The following USP45 variants were observed in gnomAD, a reference collection of about 807,000 sequenced individuals.
The protein encoded by USP45 is ubiquitin carboxyl-terminal hydrolase 45.
USP45 carries 89 observed loss-of-function variants against 95.8 expected under a neutral mutation model. The ratio of observed to expected loss-of-function variants is 0.93; its 90% confidence interval spans 0.78 to 1.11. The LOEUF (loss-of-function observed/expected upper bound fraction) is 1.11. Among genes scored for constraint, USP45 ranks in the 50% least tolerant of loss-of-function variants. The pLI is 0.00. For synonymous variants in USP45, 281 were observed against 316.2 expected (o/e 0.89, Z 1.18); for missense variants, 898 against 942.5 (o/e 0.95, Z 0.62).
intron 9 of USP45, among the ~76,000 whole-genome samples, chr6:99,475,759 A>G (rs1240114556): frequency 2.0e-5 from 3 of 152,224 alleles, no homozygotes; most frequent in Admixed American, 6.5e-5. Flanking sequence ...TTACTCTAAA[A>G]AATTAAATTA....
chr6:99,506,614 CTTGT>C (rs928459953), intron 4 of USP45, among the ~76,000 whole-genome samples: 1 of 152,134 alleles, frequency 6.6e-6, no homozygotes, highest in Non-Finnish European at 1.5e-5. Flanking sequence ...CCACAAAAAA[CTTGT>C]TTTAGTACCT....
At chr6:99,462,354 C>T in intron 13 of USP45, 1 of 984,612 alleles carries the variant, frequency 1.0e-6, no homozygotes, top group South Asian at 4.7e-5. Flanking sequence ...GTATTTCTCT[C>T]ATACATTTGG....
intron 9 of USP45, among the ~76,000 whole-genome samples, chr6:99,474,850 G>A (rs887180293): frequency 2.0e-5 from 3 of 152,124 alleles, no homozygotes; most frequent in African/African-American, 4.8e-5. Flanking sequence ...GATCCTATGT[G>A]CACAGGAAAC....
intron 5 of USP45, among the ~76,000 whole-genome samples, chr6:99,498,839 C>A (rs898409600): frequency 1.3e-5 from 2 of 152,160 alleles, no homozygotes; most frequent in Non-Finnish European, 2.9e-5. Context: ...AAGCCAGACA[C>A]TTAAGAGTCT....
chr6:99,448,317 T>C (rs1161921329), intron 13 of USP45, among the ~76,000 whole-genome samples: 3 of 152,158 alleles, frequency 2.0e-5, no homozygotes, highest in Admixed American at 1.3e-4. Context: ...AAGGGCTGAC[T>C]AGAATAATCA....
At chr6:99,460,819 T>C (rs1222394537) in intron 13 of USP45, 1 of 984,004 alleles carries the variant, frequency 1.0e-6, no homozygotes, top group Non-Finnish European at 1.2e-6. Context: ...TAATAACACC[T>C]TTTATAATAA....
chr6:99,444,176 T>A (rs1285970472), intron 14 of USP45, among the ~76,000 whole-genome samples: 1 of 152,098 alleles, frequency 6.6e-6, no homozygotes, highest in Non-Finnish European at 1.5e-5. Context: ...CCCACCTGGC[T>A]AATTTTTAAA....
At chr6:99,492,425 A>G (rs974438473) in intron 5 of USP45, among the ~76,000 whole-genome samples, 1 of 152,232 alleles carries the variant, frequency 6.6e-6, no homozygotes, top group African/African-American at 2.4e-5. Flanking sequence ...GTTGACTTTT[A>G]CATGTAAGTC....
At chr6:99,497,344 G>T (rs533214113) in intron 5 of USP45, among the ~76,000 whole-genome samples, 12 of 152,116 alleles carry the variant, frequency 7.9e-5, no homozygotes, top group Non-Finnish European at 1.8e-4. Flanking sequence ...CTGGGAACCT[G>T]AGCTGGGGTT....
chr6:99,517,471 G>C (rs1327854632), upstream of USP45, among the ~76,000 whole-genome samples: 1 of 150,542 alleles, frequency 6.6e-6, no homozygotes, highest in Non-Finnish European at 1.5e-5. Context: ...TTCTCTCTCT[G>C]TTGTCCAGGC....
intron 13 of USP45, among the ~76,000 whole-genome samples, chr6:99,448,335 G>T (rs796809659): frequency 7.9e-5 from 12 of 152,286 alleles, no homozygotes; most frequent in African/African-American, 2.9e-4. Flanking sequence ...TCAGTGTAGA[G>T]AAGTCCTTAA....
chr6:99,443,841 AT>A (rs562885872), intron 14 of USP45, among the ~76,000 whole-genome samples, 179 bp from the exon 15 acceptor site: 39 of 152,128 alleles, frequency 2.6e-4, no homozygotes, highest in Middle Eastern at 3.4e-3. Flanking sequence ...AAGTAAAGGA[AT>A]TTTTTTTAAG....
At chr6:99,463,382 T>C (rs1787013279) in intron 13 of USP45, among the ~76,000 whole-genome samples, 1 of 152,110 alleles carries the variant, frequency 6.6e-6, no homozygotes, top group African/African-American at 2.4e-5. Flanking sequence ...AATAAGTAAT[T>C]AAATCTGAAC....
At chr6:99,475,488 G>T (rs950566467) in intron 9 of USP45, among the ~76,000 whole-genome samples, 3 of 151,822 alleles carry the variant, frequency 2.0e-5, no homozygotes, top group Non-Finnish European at 4.4e-5. Context: ...GCTAATTTTT[G>T]TATTTTTAGT....
intron 5 of USP45, among the ~76,000 whole-genome samples, chr6:99,496,766 A>G (rs1352260950): frequency 2.0e-5 from 3 of 152,172 alleles, no homozygotes; most frequent in Non-Finnish European, 4.4e-5. Flanking sequence ...TTTAAAAAAA[A>G]AAATTTTTTT....
chr6:99,436,481 G>A (rs1315835750), intron 17 of USP45, among the ~76,000 whole-genome samples: 1 of 151,928 alleles, frequency 6.6e-6, no homozygotes, highest in South Asian at 2.1e-4. Context: ...GCTTGAACCC[G>A]GAAGGCAGAG....
intron 5 of USP45, among the ~76,000 whole-genome samples, chr6:99,499,019 G>A (rs1796866149): frequency 6.6e-6 from 1 of 152,004 alleles, no homozygotes; most frequent in Non-Finnish European, 1.5e-5. Flanking sequence ...CAAGTGATCT[G>A]CCTGCCTCAG....
chr6:99,443,667 A>T lies in USP45; in HGVS notation c.1976-5T>A. ...AAACTCCTTCTACTTTCTTTTCTAC[A>T]TAAAATACAATAAATTTATTTATAA... On this transcript the variant is annotated splice_polypyrimidine_tract_variant and splice_region_variant and intron_variant, in intron 14 of 17. Transcript: ENST00000500704. 6.7e-7 allele frequency: 1 copy of T among 1,500,224 alleles called. No homozygotes were observed. The highest frequency in any genetic ancestry group is 9.0e-7 in the Non-Finnish European group (1 of 1,110,682). The allele number at this position is 1,500,224 out of a possible 1,614,324, so 92.9% of individuals were successfully genotyped here. A position where few individuals can be genotyped will look rare whatever the true frequency, so the allele number is the denominator to read the frequency against.
At chr6:99,456,132 CGGAAAAA>C (rs1785020913) in intron 13 of USP45, among the ~76,000 whole-genome samples, 1 of 87,664 alleles carries the variant, frequency 1.1e-5, no homozygotes, top group Non-Finnish European at 2.2e-5. Flanking sequence ...GACTCTGTCT[CGGAAAAA>C]AAAAAAAAAA....
Sources: allele counts gnomAD v4.1 joint callset (sites outside exome capture counted in the v4.1 genomes callset), GRCh38; gene constraint gnomAD v4.1.1; transcripts MANE v1.5; gene names NCBI Gene and HGNC (gene_info 2026-07-23, HGNC 2026-07-21).